Variants in CDH13 observed in about 807,000 individuals in gnomAD.
CDH13 encodes cadherin-13.
CDH13 carries 24 observed loss-of-function variants against 63.8 expected under a neutral mutation model. The ratio of observed to expected loss-of-function variants is 0.38; its 90% CI spans 0.27 to 0.53. CDH13 has a LOEUF of 0.53. CDH13 is among the 20% of genes least tolerant of loss of function. The pLI, the probability that CDH13 is intolerant of heterozygous loss-of-function variation, is 0.85. For synonymous variants in CDH13, 503 were observed against 355.3 expected (o/e 1.42, Z -4.67); for missense variants, 1,049 against 903.1 (o/e 1.16, Z -2.07).
chr16:83,605,479 G>A (rs1475427674), intron 8 of CDH13, among the ~76,000 whole-genome samples: 3 of 152,302 alleles, frequency 2.0e-5, no homozygotes, highest in Non-Finnish European at 4.4e-5. Flanking sequence ...CCACTGACCA[G>A]CCATGTGGTG....
At chr16:83,409,400 T>A (rs1445307090) in intron 6 of CDH13, among the ~76,000 whole-genome samples, 2 of 152,104 alleles carry the variant, frequency 1.3e-5, no homozygotes, top group Non-Finnish European at 2.9e-5. Context: ...CACGGGGCAA[T>A]GGTAGTTGTC....
chr16:83,486,641 C>A lies in CDH13; in HGVS notation c.946C>A (p.Leu316Met). The change falls in exon 7 of 14, where the codon CTG becomes ATG. Residue 316 changes from leucine (L) to methionine (M), a missense_variant. Physicochemically the swap from Leu to Met is conservative, Grantham distance 15 (BLOSUM62 2). Transcript: ENST00000567109. ...CATTGTCACTGTTGTGTCACCTGCG[C>A]TGCTGGACCGAGAGGTGAGCTGAAA... The part of the protein sequence containing the change: ...GDIVTVVSPA[L>M]LDRETLENPK... The A allele has an allele frequency of 6.2e-7, 1 of 1,613,768 alleles. No homozygotes were observed. Among genetic ancestry groups the A allele is most frequent in the Non-Finnish European group, 8.5e-7 (1 of 1,179,710 alleles).
At chr16:83,145,432 C>T (rs557495394) in intron 4 of CDH13, among the ~76,000 whole-genome samples, 11 of 152,282 alleles carry the variant, frequency 7.2e-5, no homozygotes, top group African/African-American at 2.6e-4. Context: ...AGTTACCATG[C>T]CAGAAGTGTT....
chr16:82,873,304 G>C (rs1373521591), intron 2 of CDH13, among the ~76,000 whole-genome samples: 3 of 152,180 alleles, frequency 2.0e-5, no homozygotes, highest in Admixed American at 6.5e-5. Context: ...TAAACTCTAT[G>C]TTATAGATAG....
At chr16:83,380,418 G>C (rs973296485) in intron 6 of CDH13, among the ~76,000 whole-genome samples, 12 of 151,978 alleles carry the variant, frequency 7.9e-5, no homozygotes, top group African/African-American at 2.4e-4. Context: ...TTTGCTCCCA[G>C]CTATTTTTTA....
At chr16:82,786,655 T>TC (rs1239231648) in intron 1 of CDH13, among the ~76,000 whole-genome samples, 3 of 75,636 alleles carry the variant, frequency 4.0e-5, no homozygotes, top group Non-Finnish European at 7.5e-5. Flanking sequence ...TCCCTCCCCC[T>TC]CCCCCCACCC....
At chr16:83,298,336 A>G (rs539000176) in intron 5 of CDH13, among the ~76,000 whole-genome samples, 338 of 152,124 alleles carry the variant, frequency 2.2e-3, no homozygotes, top group Non-Finnish European at 4.2e-3. Context: ...GTAAAATATT[A>G]TTTTTCTTAG....
chr16:83,502,659 A>C (rs1427944934), intron 7 of CDH13, among the ~76,000 whole-genome samples: 1 of 152,162 alleles, frequency 6.6e-6, no homozygotes, highest in Non-Finnish European at 1.5e-5. Flanking sequence ...GAAATACATT[A>C]GTTTTGGGGG....
At chr16:83,034,920 C>T (rs1041858980) in intron 3 of CDH13, among the ~76,000 whole-genome samples, 1 of 152,044 alleles carries the variant, frequency 6.6e-6, no homozygotes, top group African/African-American at 2.4e-5. Flanking sequence ...ACAAAACTTG[C>T]CTGTGATTGT....
chr16:83,523,134 C>G (rs966008188), intron 7 of CDH13, among the ~76,000 whole-genome samples: 5 of 152,198 alleles, frequency 3.3e-5, no homozygotes, highest in African/African-American at 7.2e-5. Context: ...ATGCACCTGT[C>G]CAGGTTGTAT....
intron 12 of CDH13, 116 bp downstream of exon 12, chr16:83,780,317 T>G (rs1215949989): frequency 3.0e-6 from 2 of 670,200 alleles, no homozygotes; most frequent in African/African-American, 3.6e-5. Flanking sequence ...TCATTTTAAG[T>G]TATTGGCATA....
At chr16:83,561,489 C>G (rs1156679882) in intron 7 of CDH13, among the ~76,000 whole-genome samples, 5 of 151,358 alleles carry the variant, frequency 3.3e-5, no homozygotes, top group African/African-American at 1.2e-4. Context: ...TATTTTCCTC[C>G]TCTTCTGCAA....
At chr16:83,773,369 T>C (rs527560457) in intron 11 of CDH13, among the ~76,000 whole-genome samples, 99 of 152,334 alleles carry the variant, frequency 6.5e-4, no homozygotes, top group African/African-American at 2.2e-3. Context: ...TTTAATTGGC[T>C]CATAGTTCCA....
At chr16:83,244,703 T>A (rs182224028) in intron 5 of CDH13, among the ~76,000 whole-genome samples, 1 of 152,240 alleles carries the variant, frequency 6.6e-6, no homozygotes, top group East Asian at 1.9e-4. Context: ...AAAATCAGCA[T>A]TAAAGGCACA....
intron 3 of CDH13, among the ~76,000 whole-genome samples, chr16:83,078,696 C>G (rs1360653151): frequency 6.6e-6 from 1 of 152,246 alleles, no homozygotes; most frequent in Non-Finnish European, 1.5e-5. Flanking sequence ...CTGGTTGGTC[C>G]TCTTATCAGG....
chr16:83,067,129 C>A (rs1056714209), intron 3 of CDH13, among the ~76,000 whole-genome samples: 1 of 152,146 alleles, frequency 6.6e-6, no homozygotes, highest in Admixed American at 6.5e-5. Flanking sequence ...TCCCTAGGAG[C>A]CATTTTGTCT....
intron 4 of CDH13, among the ~76,000 whole-genome samples, chr16:83,178,756 C>T (rs2038228432): frequency 6.6e-6 from 1 of 152,042 alleles, no homozygotes; most frequent in Non-Finnish European, 1.5e-5. Context: ...AGAATCCATA[C>T]AGTCATTGAG....
chr16:83,365,053 C>T (rs2091232696), intron 6 of CDH13, among the ~76,000 whole-genome samples: 2 of 152,274 alleles, frequency 1.3e-5, no homozygotes, highest in South Asian at 4.2e-4. Context: ...ACGTTCTGCA[C>T]ATGTATCCCA....
At chr16:83,092,005 A>G (rs1176833703) in intron 3 of CDH13, among the ~76,000 whole-genome samples, 6 of 152,250 alleles carry the variant, frequency 3.9e-5, no homozygotes, top group Admixed American at 1.3e-4. Context: ...ATACCAGGCA[A>G]TGCTGGCATT....
Sources: gnomAD v4.1 joint callset for allele counts (sites outside exome capture counted in the v4.1 genomes callset) on GRCh38, gnomAD v4.1.1 for gene constraint, MANE v1.5 for transcripts, NCBI Gene and HGNC (gene_info 2026-07-23, HGNC 2026-07-21) for gene names.